PCSK5: variants seen among roughly 807,000 people sequenced by gnomAD.
PCSK5 encodes the protein prohormone convertase 5.
Under a neutral mutation model 233.2 loss-of-function variants are expected in PCSK5, and 129 were observed. The ratio of observed to expected loss-of-function variants is 0.55; its 90% confidence interval spans 0.48 to 0.64. The LOEUF (loss-of-function observed/expected upper bound fraction) is 0.64. Among genes scored for constraint, PCSK5 ranks in the 30% least tolerant of loss-of-function variants. PCSK5 has a pLI of 0.00. For synonymous variants in PCSK5, 825 were observed against 879.2 expected (o/e 0.94, Z 1.09); for missense variants, 2,076 against 2,430.1 (o/e 0.85, Z 3.06).
intron 2 of PCSK5, among the ~76,000 whole-genome samples, chr9:75,971,000 T>C (rs1186854728): frequency 6.6e-6 from 1 of 152,140 alleles, no homozygotes; most frequent in African/African-American, 2.4e-5. Context: ...TGTGCTGTGG[T>C]GGTTTGCTGC....
At chr9:76,124,230 A>G (rs1832753774) in intron 9 of PCSK5, among the ~76,000 whole-genome samples, 1 of 152,138 alleles carries the variant, frequency 6.6e-6, no homozygotes, top group African/African-American at 2.4e-5. Flanking sequence ...CTTAGTTTCC[A>G]CACCTGTAAA....
rs1443677801 is a variant in PCSK5, at chr9:76,189,204, G to T, written c.2491G>T (p.Gly831Ter). 6.2e-7 allele frequency: 1 copy of T among 1,612,802 alleles called. No homozygotes were observed. The highest frequency in any genetic ancestry group is 8.5e-7 in the Non-Finnish European group (1 of 1,179,708). ...SYYFDHSSENGYKSCKKCDIS... is the reference protein window; with the variant it reads ...SYYFDHSSEN ...TTACTTTGACCACTCTTCAGAGAAT[G>T]GATACAAATCCTGCAAAAAGTAAGT... The change falls in exon 19 of 38, where the codon GGA becomes TGA. Residue 831 changes from glycine to a stop codon, truncating the protein, a stop_gained. Transcript: ENST00000674117. LOFTEE classifies it high-confidence loss of function.
At chr9:75,963,671 G>T (rs1825451157) in intron 2 of PCSK5, among the ~76,000 whole-genome samples, 1 of 152,194 alleles carries the variant, frequency 6.6e-6, no homozygotes, top group Admixed American at 6.5e-5. Flanking sequence ...ACGAGGTTAG[G>T]AGTTCGAGAT....
chr9:75,931,994 CA>C (rs1412039056), intron 1 of PCSK5, among the ~76,000 whole-genome samples: 1 of 152,168 alleles, frequency 6.6e-6, no homozygotes, highest in Non-Finnish European at 1.5e-5. Context: ...TCAGAGCAAA[CA>C]AAATGCAATG....
intron 5 of PCSK5, among the ~76,000 whole-genome samples, chr9:76,049,713 A>G (rs1293803481): frequency 6.6e-6 from 1 of 152,222 alleles, no homozygotes; most frequent in Non-Finnish European, 1.5e-5. Context: ...TCAGTCAAAC[A>G]GATAATTGTC....
At position 76,208,481 on chromosome 9, in the gene PCSK5, G is replaced by T. The variant is rs189027246; in HGVS notation, c.2626+18735G>T. Among the ~76,000 whole-genome samples, 176 of 152,266 alleles carry T rather than the reference G, an allele frequency of 1.2e-3. 2 individuals carry two copies. Among genetic ancestry groups the T allele is most frequent in the African/African-American group, 4.0e-3 (165 of 41,564 alleles). ...ATACCAAATTCACAGAATTGTCTGT[G>T]AAGTGGTAGTGGTTTCCTTAAGTGC... On this transcript the variant is annotated intron_variant, in intron 20 of 37. Coordinates refer to ENST00000674117, the MANE Select transcript of PCSK5 (RefSeq NM_001372043.1).
chr9:76,169,579 G>A, intron 12 of PCSK5, 125 bp from the exon 13 acceptor site: 1 of 681,690 alleles, frequency 1.5e-6, no homozygotes, highest in Non-Finnish European at 2.5e-6. Context: ...CATCCAGGAT[G>A]CAGACCAGCT....
intron 5 of PCSK5, among the ~76,000 whole-genome samples, chr9:76,052,795 T>A (rs1829678245): frequency 6.6e-6 from 1 of 152,156 alleles, no homozygotes; most frequent in Admixed American, 6.5e-5. Context: ...GCTAGTCCCT[T>A]CCACCTATGA....
intron 2 of PCSK5, among the ~76,000 whole-genome samples, chr9:75,944,686 C>T (rs1309427999): frequency 6.6e-6 from 1 of 152,134 alleles, no homozygotes; most frequent in East Asian, 1.9e-4. Context: ...TGTTCTTTTC[C>T]TAGGGGATTT....
At position 75,913,742 on chromosome 9, in the gene PCSK5, A is replaced by G. The variant is rs555650740; in HGVS notation, c.193-18637A>G. On this transcript the variant is annotated intron_variant, in intron 1 of 37. Transcript: ENST00000674117. ...TCCAGAACTATCTGGTGAATAGCAT[A>G]GTTGTATTTGGAGGTTACATGTAAA... Among the ~76,000 whole-genome samples, 4 of 152,338 alleles carry G rather than the reference A, an allele frequency of 2.6e-5. No homozygotes were observed. The South Asian group carries it at 8.3e-4, about 32-fold the overall frequency.
At chr9:76,133,865 G>C (rs199640100) in intron 9 of PCSK5, among the ~76,000 whole-genome samples, 1 of 152,084 alleles carries the variant, frequency 6.6e-6, no homozygotes, top group East Asian at 1.9e-4. Context: ...AAGTTACCCT[G>C]ACTACAGTCT....
intron 33 of PCSK5, among the ~76,000 whole-genome samples, 156 bp from the exon 34 acceptor site, chr9:76,332,277 T>C (rs1829558137): frequency 6.6e-6 from 1 of 152,222 alleles, no homozygotes. Flanking sequence ...TCTTGGACAC[T>C]AATCTTATTT....
At chr9:76,232,767 A>T (rs1826133647) in intron 21 of PCSK5, among the ~76,000 whole-genome samples, 1 of 152,254 alleles carries the variant, frequency 6.6e-6, no homozygotes, top group Non-Finnish European at 1.5e-5. Flanking sequence ...TGACATTAGG[A>T]TATACATTGT....
intron 3 of PCSK5, among the ~76,000 whole-genome samples, chr9:76,021,832 G>A (rs905241786): frequency 3.3e-5 from 5 of 152,124 alleles, no homozygotes; most frequent in African/African-American, 1.2e-4. Context: ...CCGAGTTGTG[G>A]CCTACAACAC....
At chr9:76,297,312 A>G (rs78081551) in intron 27 of PCSK5, among the ~76,000 whole-genome samples, 5,789 of 152,254 alleles carry the variant, frequency 0.038, 369 homozygotes, top group African/African-American at 0.13. Context: ...GACAAGCAAG[A>G]ACTGCTCGAA....
chr9:76,115,480 C>T (rs1373013054), intron 9 of PCSK5, among the ~76,000 whole-genome samples: 1 of 152,104 alleles, frequency 6.6e-6, no homozygotes, highest in Non-Finnish European at 1.5e-5. Flanking sequence ...TGCTTAGAAA[C>T]TCCACTGATG....
At chr9:76,199,552 C>A (rs766568523) in intron 20 of PCSK5, among the ~76,000 whole-genome samples, 20 of 152,064 alleles carry the variant, frequency 1.3e-4, no homozygotes, top group Non-Finnish European at 2.8e-4. Flanking sequence ...TCACTATTCA[C>A]CCTCTAGGGA....
At chr9:76,105,765 G>T (rs923355477) in intron 8 of PCSK5, among the ~76,000 whole-genome samples, 21 of 152,074 alleles carry the variant, frequency 1.4e-4, no homozygotes, top group Non-Finnish European at 1.9e-4. Flanking sequence ...ATAGATCTTT[G>T]TTCATTCTTT....
At chr9:76,315,889 C>T (rs1829011080) in intron 30 of PCSK5, among the ~76,000 whole-genome samples, 1 of 150,240 alleles carries the variant, frequency 6.7e-6, no homozygotes, top group Non-Finnish European at 1.5e-5. Flanking sequence ...ATCTGGGCCT[C>T]CCAAAGTGCT....
Sources: allele counts gnomAD v4.1 joint callset (sites outside exome capture counted in the v4.1 genomes callset), GRCh38; gene constraint gnomAD v4.1.1; transcripts MANE v1.5; gene names NCBI Gene and HGNC (gene_info 2026-07-23, HGNC 2026-07-21).